Variants in CCDC9 observed in about 807,000 individuals in gnomAD.
The protein encoded by CCDC9 is coiled-coil domain containing 9, also known as coiled-coil domain-containing protein 9.
Under a neutral mutation model 65.6 loss-of-function variants are expected in CCDC9, and 52 were observed. The ratio of observed to expected loss-of-function variants is 0.79; its 90% confidence interval spans 0.63 to 1.00. The LOEUF is 1.00. Ranked by LOEUF, CCDC9 falls within the 50% of genes least tolerant of loss-of-function variation. CCDC9 has a pLI of 0.00. For missense variants in CCDC9, 834 were observed against 757.2 expected (o/e 1.10, Z -1.19); for synonymous variants, 332 against 280.3 (o/e 1.18, Z -1.84).
rs1364174329 is a variant in CCDC9, at chr19:47,258,654, G to A, written c.99G>A (p.Arg33=). Residue 33 remains arginine (R), a synonymous_variant, in exon 3 of 12, where the codon CGG becomes CGA. Transcript: ENST00000221922. The stretch of plus-strand genomic sequence containing the variant: ...GGCGGAAGAATGAGGCCCTCATCCG[G>A]CGCTACCAGGTGCCCTAGCCCCGCC... ...ALRRKNEALI[R]RYQEIEEDRK... is the part of the protein sequence containing the mutation. 2 of 1,613,684 alleles carry A rather than the reference G, an allele frequency of 1.2e-6. No homozygotes were observed. Among genetic ancestry groups the A allele is most frequent in the Admixed American group, 3.3e-5 (2 of 60,006 alleles).
downstream of CCDC9, chr19:47,275,579 G>A (rs2059155169): frequency 7.2e-5 from 42 of 580,522 alleles, no homozygotes; most frequent in South Asian, 9.2e-4. Context: ...ATCCCATCCT[G>A]AGCTCTGTCT....
At chr19:47,257,925 T>A (rs1157351737) in intron 1 of CCDC9, 1 of 179,816 alleles carries the variant, frequency 5.6e-6, no homozygotes, top group Non-Finnish European at 1.2e-5. Flanking sequence ...TCTGGAACTT[T>A]CTTTTGCAGG....
At chr19:47,269,245 G>T (rs1025994565) in intron 8 of CCDC9, among the ~76,000 whole-genome samples, 11 of 152,272 alleles carry the variant, frequency 7.2e-5, no homozygotes, top group African/African-American at 2.6e-4. Flanking sequence ...TGGGCAAGGT[G>T]GGTAATTAAG....
At chr19:47,274,991 G>C, downstream of CCDC9, 1 of 1,469,114 alleles carries the variant, frequency 6.8e-7, no homozygotes, top group African/African-American at 1.5e-5. Flanking sequence ...AGGGCCCGCG[G>C]GGGCGCTGGC....
In CCDC9 at chr19:47,271,856, C is replaced by T. The variant is rs2059126326; in HGVS notation, c.*178C>T. 1 of 1,387,048 alleles carries T rather than the reference C, an allele frequency of 7.2e-7. No individual in the cohort carries two copies. Among genetic ancestry groups the T allele is most frequent in the East Asian group, 2.6e-5 (1 of 38,000 alleles). The allele number at this position is 1,387,048 out of a possible 1,614,324, so 85.9% of individuals were successfully genotyped here. A position where few individuals can be genotyped will look rare whatever the true frequency, so the allele number is the denominator to read the frequency against. ...AGCTGAGGGGGTAGCGCAGCCCATG[C>T]TCTTCTGTACTGTCATGCCCGTCTC... is the stretch of plus-strand genomic sequence containing the variant. On this transcript the variant is annotated 3_prime_UTR_variant, in exon 12 of 12. Coordinates refer to ENST00000221922, the MANE Select transcript of CCDC9 (RefSeq NM_015603.3).
At chr19:47,270,775 C>CAGAT in intron 10 of CCDC9, 87 bp downstream of exon 10, 1 of 1,392,736 alleles carries the variant, frequency 7.2e-7, no homozygotes, top group Non-Finnish European at 9.6e-7. Context: ...GGTGTGGGTA[C>CAGAT]ATCTGTCTGT....
In CCDC9 at chr19:47,271,714, TGTGTGTGTGTGTGTGTGTGCGCGCGCGC is replaced by T. The variant is rs745687630; in HGVS notation, c.*38_*65del. 6.2e-5 allele frequency: 86 copies of T among 1,378,058 alleles called. No individual in the cohort carries two copies. Among genetic ancestry groups the T allele is most frequent in the Admixed American group, 2.6e-4 (10 of 38,864 alleles). 85.4% of individuals were successfully genotyped at this position (1,378,058 alleles called of 1,614,324 possible). A position where few individuals can be genotyped will look rare whatever the true frequency, so the allele number is the denominator to read the frequency against. On this transcript the variant is annotated 3_prime_UTR_variant, in exon 12 of 12. Transcript: ENST00000221922. ...CTGTGTGTGTGTGTGTGTGTGTGTG[TGTGTGTGTGTGTGTGTGTGCGCGCGCGC>T]GCGCGCGCGCGCGCGCGCTAGAGGG...
chr19:47,268,171 A>G (rs1234475031), intron 8 of CCDC9, among the ~76,000 whole-genome samples: 3 of 152,030 alleles, frequency 2.0e-5, no homozygotes, highest in African/African-American at 7.2e-5. Flanking sequence ...ACCCAGTGGC[A>G]TTGTTAACCT....
Position 47,264,676 on chromosome 19 carries a change from G to A in CCDC9, c.536G>A (p.Arg179His), listed in dbSNP as rs753790394. 25 of 1,604,290 alleles carry A rather than the reference G, an allele frequency of 1.6e-5. No individual in the cohort carries two copies. The highest frequency in any genetic ancestry group is 8.5e-7 in the Non-Finnish European group (1 of 1,175,680). ...EEMEKIAEYE[R>H]NQREGVLEPN... Reference sequence around the variant, plus strand: ...ATGGAGAAGATCGCCGAGTATGAGCGCAACCAGCGGGTCAGTGGTGCGGGT... The same window carrying A: ...ATGGAGAAGATCGCCGAGTATGAGCACAACCAGCGGGTCAGTGGTGCGGGT... Residue 179 changes from arginine (R) to histidine (H), a missense_variant, in exon 6 of 12, where the codon CGC becomes CAC. Arg to His is a conservative substitution (Grantham distance 29, BLOSUM62 0). Transcript: ENST00000221922.
In CCDC9 at chr19:47,271,585, T is replaced by C. The variant is rs1600292453; in HGVS notation, c.1503T>C (p.Asp501=). The part of the protein sequence containing the change: ...SPPSGHQPVS[D]WGEEVELNSP... ...CCAGCGGCCACCAGCCTGTGTCCGA[T>C]TGGGGTGAAGAGGTGGAGCTGAATT... The change falls in exon 12 of 12, where the codon GAT becomes GAC. Residue 501 remains aspartate (D), a synonymous_variant. Coordinates refer to ENST00000221922, the MANE Select transcript of CCDC9 (RefSeq NM_015603.3). 22 of 1,613,092 alleles carry C rather than the reference T, an allele frequency of 1.4e-5. No individual in the cohort carries two copies. Among genetic ancestry groups the C allele is most frequent in the East Asian group, 2.2e-5 (1 of 44,870 alleles).
At chr19:47,275,326 C>T (rs1405343909), downstream of CCDC9, 10 of 1,545,874 alleles carry the variant, frequency 6.5e-6, no homozygotes, top group South Asian at 1.2e-5. Context: ...CCAGAGGCCG[C>T]GGAGGGGCGA....
In CCDC9 at chr19:47,264,892, C is replaced by A; in HGVS notation, c.666C>A (p.Asn222Lys). The change falls in exon 7 of 12, where the codon AAC becomes AAA. Residue 222 changes from asparagine to lysine, a missense_variant. Asn to Lys is a moderately conservative substitution (Grantham distance 94). Coordinates refer to ENST00000221922, the MANE Select transcript of CCDC9 (RefSeq NM_015603.3). ...RREESRRHGR[N>K]WGGPDFERVR... ...AGGAGAGCCGCCGGCACGGCCGCAA[C>A]TGGGGGGGCCCCGACTTCGAGCGGG... 7 of 1,472,820 alleles carry A rather than the reference C, an allele frequency of 4.8e-6. No individual in the cohort carries two copies. The highest frequency in any genetic ancestry group is 6.3e-6 in the Non-Finnish European group (7 of 1,114,222). The allele number at this position is 1,472,820 out of a possible 1,614,324, so 91.2% of individuals were successfully genotyped here. A position where few individuals can be genotyped will look rare whatever the true frequency, so the allele number is the denominator to read the frequency against.
At chr19:47,270,018 G>C (rs1245846650) in intron 8 of CCDC9, among the ~76,000 whole-genome samples, 1 of 151,100 alleles carries the variant, frequency 6.6e-6, no homozygotes, top group African/African-American at 2.4e-5. Context: ...ACCCAGGCTC[G>C]AGTACAGTGG....
At chr19:47,266,950 G>T (rs780388556) in intron 8 of CCDC9, among the ~76,000 whole-genome samples, 158 bp downstream of exon 8, 1 of 152,252 alleles carries the variant, frequency 6.6e-6, no homozygotes, top group South Asian at 2.1e-4. Flanking sequence ...TCAGCGGCAC[G>T]TGAGAGCATT....
chr19:47,271,752 C>A lies in CCDC9; in HGVS notation c.*74C>A, dbSNP rs559138253. 9.1e-6 allele frequency: 8 copies of A among 881,286 alleles called. No homozygotes were observed. The highest frequency in any genetic ancestry group is 1.2e-5 in the Non-Finnish European group (8 of 684,386). 54.6% of individuals were successfully genotyped at this position (881,286 alleles called of 1,614,324 possible). On this transcript the variant is annotated 3_prime_UTR_variant, in exon 12 of 12. Transcript: ENST00000221922. ...GTGTGTGCGCGCGCGCGCGCGCGCG[C>A]GCGCGCGCTAGAGGGGTGTGGCTGG...
intron 8 of CCDC9, 78 bp downstream of exon 8, chr19:47,266,870 G>C: frequency 1.3e-6 from 2 of 1,503,574 alleles, no homozygotes; most frequent in Middle Eastern, 1.7e-4. Flanking sequence ...GCCTCTCTCT[G>C]GTTTTTCCTG....
At chr19:47,273,312 G>A (rs1409879453), downstream of CCDC9, 24 of 1,177,312 alleles carry the variant, frequency 2.0e-5, no homozygotes, top group East Asian at 7.6e-4. Context: ...GGGGGGAGGT[G>A]GGAAGACTGC....
At chr19:47,272,092 T>G (rs1037280606), downstream of CCDC9, 83 of 1,236,190 alleles carry the variant, frequency 6.7e-5, 1 homozygote, top group Middle Eastern at 9.3e-4. Flanking sequence ...AGCCCCTGCC[T>G]TCCCGGAGAG....
At chr19:47,260,283 G>A (rs1488925642) in intron 3 of CCDC9, 38 bp from the exon 4 acceptor site, 2 of 1,447,784 alleles carry the variant, frequency 1.4e-6, no homozygotes, top group Non-Finnish European at 1.9e-6. Context: ...GGCAGACAGG[G>A]CACCTGATGC....
Sources: allele counts gnomAD v4.1 joint callset (sites outside exome capture counted in the v4.1 genomes callset), GRCh38; gene constraint gnomAD v4.1.1; transcripts MANE v1.5; gene names NCBI Gene and HGNC (gene_info 2026-07-23, HGNC 2026-07-21).